Variants in SSUH2 observed in about 807,000 individuals in gnomAD.
SSUH2 encodes the protein ssu-2 homolog, also known as protein SSUH2 homolog.
SSUH2 carries 47 observed loss-of-function variants against 55.3 expected under a neutral mutation model. That is an observed-to-expected ratio of 0.85 (90% CI 0.67 to 1.08). The LOEUF is 1.08. SSUH2 is among the 50% of genes least tolerant of loss of function. The pLI, the probability that SSUH2 is intolerant of heterozygous loss-of-function variation, is 0.00. For missense variants in SSUH2, 535 were observed against 490.7 expected, an observed-to-expected ratio of 1.09 and a Z score of -0.85; for synonymous variants, 212 against 191.5, an observed-to-expected ratio of 1.11 and a Z score of -0.89.
chr3:8,678,614 C>A lies in SSUH2; in HGVS notation c.-901+1091G>T, dbSNP rs56019880. 7.5e-4 allele frequency among the ~76,000 whole-genome samples: 55 copies of A among 73,246 alleles called. 19 individuals carry two copies. The highest frequency in any genetic ancestry group is 1.2e-3 in the Non-Finnish European group (39 of 33,764). 48.1% of individuals were successfully genotyped at this position (73,246 alleles called of 152,430 possible). ...AGGCAGGGACTGAGAGCCAGCCCTT[C>A]TTCCCCCCCGGCTTTTGGGACCCCC... On this transcript the variant is annotated intron_variant, in intron 2 of 18. Coordinates refer to the SSUH2 transcript ENST00000317371.
upstream of SSUH2, among the ~76,000 whole-genome samples, chr3:8,645,457 C>A (rs1174315484): frequency 6.6e-6 from 1 of 152,204 alleles, no homozygotes; most frequent in East Asian, 1.9e-4. Context: ...TAAACCTTTT[C>A]CATTGGAGTT....
intron 6 of SSUH2, among the ~76,000 whole-genome samples, chr3:8,630,553 A>G (rs554889613): frequency 1.3e-5 from 2 of 152,350 alleles, no homozygotes; most frequent in African/African-American, 4.8e-5. Context: ...TGCTCACTAA[A>G]GCTGGTGACG....
In SSUH2 at chr3:8,635,702, C is replaced by A. The variant is rs992261559; in HGVS notation, c.127+57G>T. ...ACCACCTTTTTCCCGAGACATCCCA[C>A]CAACCAGCGTGAGCCCTAGGTAGAA... On this transcript the variant is annotated intron_variant, in intron 2 of 11. Transcript: ENST00000544814. 15 of 1,438,438 alleles carry A rather than the reference C, an allele frequency of 1.0e-5. No individual in the cohort carries two copies. The African/African-American group carries it at 2.1e-4, about 21-fold the overall frequency. The allele number at this position is 1,438,438 out of a possible 1,614,324, so 89.1% of individuals were successfully genotyped here.
intron 7 of SSUH2, among the ~76,000 whole-genome samples, chr3:8,650,734 G>A (rs1172532755): frequency 7.9e-5 from 12 of 152,160 alleles, no homozygotes; most frequent in Admixed American, 6.5e-5. Context: ...ACTACAGGAC[G>A]CTCCATCCCC....
chr3:8,681,442 C>G (rs1416096775), intron 1 of SSUH2, among the ~76,000 whole-genome samples: 2 of 150,926 alleles, frequency 1.3e-5, no homozygotes, highest in South Asian at 2.1e-4. Flanking sequence ...GAGCCAGCCC[C>G]TCTTCCCCCA....
chr3:8,680,474 TATC>T (rs1705867519), intron 1 of SSUH2, among the ~76,000 whole-genome samples: 1 of 152,034 alleles, frequency 6.6e-6, no homozygotes, highest in African/African-American at 2.4e-5. Flanking sequence ...CTGGGAGTAA[TATC>T]ATCCTCTTCC....
At chr3:8,661,247 G>T (rs1015070356) in intron 6 of SSUH2, among the ~76,000 whole-genome samples, 1 of 152,208 alleles carries the variant, frequency 6.6e-6, no homozygotes, top group African/African-American at 2.4e-5. Flanking sequence ...CCTCTGCCTA[G>T]AACTCCGTTG....
chr3:8,656,780 G>T (rs968296277), intron 7 of SSUH2, among the ~76,000 whole-genome samples: 2 of 152,170 alleles, frequency 1.3e-5, no homozygotes, highest in Non-Finnish European at 2.9e-5. Context: ...TGGTGGAGCC[G>T]GGATTTGAAT....
chr3:8,678,348 G>C (rs996697562), intron 2 of SSUH2, among the ~76,000 whole-genome samples: 3 of 152,042 alleles, frequency 2.0e-5, no homozygotes, highest in Non-Finnish European at 2.9e-5. Flanking sequence ...AGTCATATCT[G>C]TCTATTATGG....
At chr3:8,648,895 C>T (rs1047889351), upstream of SSUH2, among the ~76,000 whole-genome samples, 2 of 152,154 alleles carry the variant, frequency 1.3e-5, no homozygotes, top group Non-Finnish European at 2.9e-5. Context: ...CTAATGGTGG[C>T]CTGGTCACCT....
intron 7 of SSUH2, among the ~76,000 whole-genome samples, chr3:8,650,744 C>T (rs68069969): frequency 0.091 from 13,818 of 152,226 alleles, 710 homozygotes; most frequent in Middle Eastern, 0.15. Flanking sequence ...GCTCCATCCC[C>T]GTGGTTGGAA....
chr3:8,678,512 G>A (rs1705614673), intron 2 of SSUH2, among the ~76,000 whole-genome samples: 1 of 136,258 alleles, frequency 7.3e-6, no homozygotes, highest in Admixed American at 7.3e-5. Context: ...CCCCCGCGAG[G>A]CGGGGACTGA....
intron 7 of SSUH2, among the ~76,000 whole-genome samples, chr3:8,657,083 G>A (rs1040637193): frequency 9.2e-5 from 14 of 152,168 alleles, no homozygotes; most frequent in Non-Finnish European, 1.6e-4. Flanking sequence ...GTTTTGCCAT[G>A]TTGGCCAAGC....
intron 5 of SSUH2, among the ~76,000 whole-genome samples, chr3:8,668,775 G>C (rs1176359725): frequency 1.3e-5 from 2 of 152,156 alleles, no homozygotes; most frequent in Non-Finnish European, 2.9e-5. Flanking sequence ...GATTTCATGA[G>C]TCTCTTTCAC....
chr3:8,628,778 C>T (rs1194056464), intron 7 of SSUH2, among the ~76,000 whole-genome samples: 3 of 152,326 alleles, frequency 2.0e-5, no homozygotes, highest in African/African-American at 7.2e-5. Context: ...CCAGAAGAAC[C>T]AGCCTAGCCC....
intron 5 of SSUH2, among the ~76,000 whole-genome samples, chr3:8,664,274 T>C (rs899513078): frequency 2.0e-5 from 3 of 152,228 alleles, no homozygotes; most frequent in African/African-American, 4.8e-5. Flanking sequence ...CTTCAGGTCA[T>C]TGAATCCTTG....
chr3:8,672,837 T>C (rs1704750293), intron 3 of SSUH2, among the ~76,000 whole-genome samples: 1 of 152,098 alleles, frequency 6.6e-6, no homozygotes, highest in African/African-American at 2.4e-5. Context: ...CCCACTGCTA[T>C]CTTGGGAGTA....
chr3:8,660,436 GA>G (rs1559507675), intron 6 of SSUH2, among the ~76,000 whole-genome samples: 1 of 152,126 alleles, frequency 6.6e-6, no homozygotes, highest in Non-Finnish European at 1.5e-5. Context: ...CAAGGGTTAA[GA>G]AGAAAAGAAC....
At chr3:8,627,573 G>A (rs556143253) in intron 8 of SSUH2, 125 bp downstream of exon 8, 24 of 681,514 alleles carry the variant, frequency 3.5e-5, no homozygotes, top group Admixed American at 2.7e-4. Flanking sequence ...CACCTACTAC[G>A]TGCAGAGCTC....
Sources: allele counts gnomAD v4.1 joint callset (sites outside exome capture counted in the v4.1 genomes callset), GRCh38; gene constraint gnomAD v4.1.1; transcripts MANE v1.5; gene names NCBI Gene and HGNC (gene_info 2026-07-23, HGNC 2026-07-21).